Variants in CBFA2T2 observed in about 807,000 individuals in gnomAD.
CBFA2T2 encodes the protein CBFA2/RUNX1 partner transcriptional co-repressor 2.
CBFA2T2 carries 11 observed loss-of-function variants against 62.2 expected under a neutral mutation model. That is an observed-to-expected ratio of 0.18 (90% CI 0.11 to 0.29). CBFA2T2 has a LOEUF of 0.29. Ranked by LOEUF, CBFA2T2 falls within the 10% of genes least tolerant of loss-of-function variation. The probability of loss-of-function intolerance (pLI) is 1.00; values close to 1 mark genes in which losing one functional copy is unlikely to be tolerated. For missense variants in CBFA2T2, 592 were observed against 774.1 expected, an observed-to-expected ratio of 0.76 and a Z score of 2.79; for synonymous variants, 295 against 287.5, an observed-to-expected ratio of 1.03 and a Z score of -0.27.
chr20:33,496,573 T>A (rs536246965), intron 1 of CBFA2T2, among the ~76,000 whole-genome samples: 2 of 152,166 alleles, frequency 1.3e-5, no homozygotes. Flanking sequence ...GTCTAAACAG[T>A]TAAAAGTGGA....
chr20:33,592,137 C>T lies in CBFA2T2; in HGVS notation c.35-14819C>T, dbSNP rs879730579. On this transcript the variant is annotated intron_variant, in intron 1 of 10. Transcript: ENST00000342704. ...CAGCACTTTGGGAGGCTGAGGTGGGCGGATCACGTGATATCAGGAGTTTGA... is the reference window on the plus strand; with the variant it reads ...CAGCACTTTGGGAGGCTGAGGTGGGTGGATCACGTGATATCAGGAGTTTGA... Among the ~76,000 whole-genome samples the T allele has an allele frequency of 2.6e-5, 4 of 151,938 alleles. No homozygotes were observed. The East Asian group carries it at 7.7e-4, about 29-fold the overall frequency.
chr20:33,573,106 G>A (rs1354232647), intron 1 of CBFA2T2, among the ~76,000 whole-genome samples: 2 of 152,248 alleles, frequency 1.3e-5, no homozygotes, highest in East Asian at 3.9e-4. Flanking sequence ...TGAATATTTA[G>A]GTGCCTACTG....
intron 2 of CBFA2T2, among the ~76,000 whole-genome samples, chr20:33,609,501 CTA>C (rs1491214571): frequency 6.6e-6 from 1 of 151,370 alleles, no homozygotes; most frequent in Admixed American, 6.6e-5. Flanking sequence ...GACTCGGTCT[CTA>C]AAAAAAAAAG....
At chr20:33,501,761 T>C (rs1429828154) in intron 1 of CBFA2T2, among the ~76,000 whole-genome samples, 1 of 143,940 alleles carries the variant, frequency 6.9e-6, no homozygotes, top group Non-Finnish European at 1.5e-5. Flanking sequence ...TGCTGCAGCC[T>C]CCTGAGTACC....
chr20:33,587,759 T>G (rs531098862), intron 1 of CBFA2T2, among the ~76,000 whole-genome samples: 1 of 152,360 alleles, frequency 6.6e-6, no homozygotes, highest in South Asian at 2.1e-4. Flanking sequence ...GGTTGTATGC[T>G]TCCAAGACAA....
At chr20:33,525,003 T>C (rs1223858036) in intron 1 of CBFA2T2, among the ~76,000 whole-genome samples, 1 of 151,902 alleles carries the variant, frequency 6.6e-6, no homozygotes, top group Non-Finnish European at 1.5e-5. Flanking sequence ...CCTGGCTAAT[T>C]TTTGTATTTT....
At chr20:33,513,729 G>A (rs1433096983) in intron 1 of CBFA2T2, among the ~76,000 whole-genome samples, 1 of 146,782 alleles carries the variant, frequency 6.8e-6, no homozygotes, top group Admixed American at 6.8e-5. Flanking sequence ...CAGGAGAATC[G>A]CTTGAACCCG....
intron 1 of CBFA2T2, among the ~76,000 whole-genome samples, chr20:33,505,017 T>A (rs2011376895): frequency 6.6e-6 from 1 of 152,222 alleles, no homozygotes; most frequent in South Asian, 2.1e-4. Context: ...CTACCATTTG[T>A]GTATCAGAAC....
intron 1 of CBFA2T2, among the ~76,000 whole-genome samples, chr20:33,495,936 G>C (rs1047929687): frequency 6.6e-6 from 1 of 152,226 alleles, no homozygotes; most frequent in Non-Finnish European, 1.5e-5. Context: ...ACTTAAAACC[G>C]TGCTTGACAC....
intron 9 of CBFA2T2, among the ~76,000 whole-genome samples, chr20:33,637,414 A>T (rs1178237993): frequency 6.6e-6 from 1 of 152,268 alleles, no homozygotes; most frequent in East Asian, 1.9e-4. Flanking sequence ...TCTAGACAGT[A>T]GTAAACAAAT....
At chr20:33,610,744 T>TGAGTATC (rs1159429827) in intron 2 of CBFA2T2, among the ~76,000 whole-genome samples, 1 of 152,168 alleles carries the variant, frequency 6.6e-6, no homozygotes, top group Non-Finnish European at 1.5e-5. Context: ...AAGATGGGCA[T>TGAGTATC]GAGTATCCCA....
chr20:33,619,593 T>C lies in CBFA2T2; in HGVS notation c.497T>C (p.Ile166Thr). The change falls in exon 4 of 11, where the codon ATT (isoleucine) becomes ACT (threonine). Residue 166 changes from isoleucine to threonine, a missense_variant. This residue lies in a region of CBFA2T2 where 449 missense variants were observed against 551.2 expected (regional missense o/e 0.81). Coordinates refer to ENST00000342704, the MANE Select transcript of CBFA2T2 (RefSeq NM_001032999.3). ...ATNFPLRPFV[I>T]PFLKANLPLL... ...AACTTTCCCCTTCGTCCTTTTGTGA[T>C]TCCATTTCTCAAGGTAATTTGATAA... The C allele has an allele frequency of 6.2e-7, 1 of 1,601,006 alleles. No homozygotes were observed. The highest frequency in any genetic ancestry group is 2.2e-5 in the East Asian group (1 of 44,524).
chr20:33,562,996 T>C (rs1213701331), intron 1 of CBFA2T2, among the ~76,000 whole-genome samples: 1 of 152,190 alleles, frequency 6.6e-6, no homozygotes, highest in Non-Finnish European at 1.5e-5. Context: ...TTCTGTGATG[T>C]TTAGAGGGAA....
At chr20:33,536,688 T>A (rs1232456513) in intron 1 of CBFA2T2, among the ~76,000 whole-genome samples, 1 of 149,064 alleles carries the variant, frequency 6.7e-6, no homozygotes, top group Non-Finnish European at 1.5e-5. Flanking sequence ...GCTCCTCACC[T>A]CCCAGACGGG....
At chr20:33,564,777 G>A (rs945246488) in intron 1 of CBFA2T2, among the ~76,000 whole-genome samples, 3 of 151,238 alleles carry the variant, frequency 2.0e-5, no homozygotes, top group Admixed American at 2.0e-4. Flanking sequence ...GTGGGGTTTT[G>A]CCATGTTGCC....
chr20:33,634,771 G>A (rs139810083), intron 8 of CBFA2T2, among the ~76,000 whole-genome samples: 209 of 151,340 alleles, frequency 1.4e-3, no homozygotes, highest in African/African-American at 4.8e-3. Context: ...TAAGTCCATA[G>A]CAGATGGACC....
chr20:33,523,949 G>C (rs1050942474), intron 1 of CBFA2T2, among the ~76,000 whole-genome samples: 31 of 152,224 alleles, frequency 2.0e-4, no homozygotes, highest in Admixed American at 1.7e-3. Flanking sequence ...CTCCCAAAGT[G>C]CTGAGATTAT....
rs767497655 is a variant in CBFA2T2 at position 33,647,136 on chromosome 20, C to G, written c.*2490C>G. The stretch of plus-strand genomic sequence containing the variant: ...AAGCCACAGTCCTTGGTGGGGAACT[C>G]TAAGGGGGACGGAGTCAGTACCCCG... On this transcript the variant is annotated 3_prime_UTR_variant, in exon 11 of 11. Transcript: ENST00000342704. 8 of 152,238 alleles carry G rather than the reference C, an allele frequency of 5.3e-5. No individual in the cohort carries two copies. Among genetic ancestry groups the G allele is most frequent in the Admixed American group, 2.0e-4 (3 of 15,278 alleles). 9.4% of individuals were successfully genotyped at this position (152,238 alleles called of 1,614,324 possible). A position where few individuals can be genotyped will look rare whatever the true frequency, so the allele number is the denominator to read the frequency against.
At chr20:33,637,772 A>G (rs1354807559) in intron 9 of CBFA2T2, among the ~76,000 whole-genome samples, 4 of 150,642 alleles carry the variant, frequency 2.7e-5, no homozygotes, top group African/African-American at 4.9e-5. Flanking sequence ...GGTTCAAGCT[A>G]TTCTCCTGCC....
Sources: gnomAD v4.1 joint callset for allele counts (sites outside exome capture counted in the v4.1 genomes callset) on GRCh38, gnomAD v4.1.1 for gene constraint, gnomAD v4.1.1 regional missense constraint, MANE v1.5 for transcripts, NCBI Gene and HGNC (gene_info 2026-07-23, HGNC 2026-07-21) for gene names.